The following FRMD4A variants were observed in gnomAD, a reference collection of about 807,000 sequenced individuals.
The protein encoded by FRMD4A is FERM domain-containing protein 4A.
FRMD4A carries 29 observed loss-of-function variants against 129.1 expected under a neutral mutation model. The observed-to-expected ratio is 0.22, with a 90% CI of 0.17 to 0.31. FRMD4A has a LOEUF of 0.31. Among genes scored for constraint, FRMD4A ranks in the 10% least tolerant of loss-of-function variants. The probability of loss-of-function intolerance (pLI) is 1.00; values close to 1 mark genes in which losing one functional copy is unlikely to be tolerated. For missense variants in FRMD4A, 1,272 were observed against 1,375.8 expected (o/e 0.92, Z 1.19); for synonymous variants, 634 against 571.6 (o/e 1.11, Z -1.56).
At chr10:13,773,924 A>G (rs1447869357) in intron 6 of FRMD4A, among the ~76,000 whole-genome samples, 1 of 152,200 alleles carries the variant, frequency 6.6e-6, no homozygotes, top group African/African-American at 2.4e-5. Flanking sequence ...GCTTGGCGGG[A>G]AAGCTGTGCC....
At chr10:14,041,581 G>A (rs1833780312) in intron 2 of FRMD4A, among the ~76,000 whole-genome samples, 4 of 152,156 alleles carry the variant, frequency 2.6e-5, no homozygotes, top group Admixed American at 2.0e-4. Flanking sequence ...GAGTCCATAT[G>A]AGCCCCAAAA....
intron 12 of FRMD4A, among the ~76,000 whole-genome samples, chr10:13,708,565 T>C (rs2087706981): frequency 6.6e-6 from 1 of 152,220 alleles, no homozygotes; most frequent in Non-Finnish European, 1.5e-5. Flanking sequence ...CCCAAGGAAA[T>C]TGTATTTTTC....
intron 2 of FRMD4A, among the ~76,000 whole-genome samples, chr10:14,184,135 T>C (rs1384236658): frequency 5.9e-5 from 8 of 136,344 alleles, no homozygotes; most frequent in East Asian, 4.2e-4. Flanking sequence ...CTTTTTTTTT[T>C]TTTTTTTTTT....
chr10:14,235,830 T>G (rs1229066584), intron 2 of FRMD4A, among the ~76,000 whole-genome samples: 1 of 151,994 alleles, frequency 6.6e-6, no homozygotes, highest in Non-Finnish European at 1.5e-5. Context: ...CCTGCCATGA[T>G]TTTCTAAGTG....
At chr10:14,187,091 TTTGGGTG>T (rs1842169000) in intron 2 of FRMD4A, among the ~76,000 whole-genome samples, 2 of 150,078 alleles carry the variant, frequency 1.3e-5, no homozygotes, top group Non-Finnish European at 3.0e-5. Context: ...TGTACTCTCG[TTTGGGTG>T]ACAGAGCAAG....
rs775430892 is a variant in FRMD4A at position 13,657,134 on chromosome 10, C to G, written c.2455G>C (p.Gly819Arg). 16 of 1,393,746 alleles carry G rather than the reference C, an allele frequency of 1.1e-5. No homozygotes were observed. The highest frequency in any genetic ancestry group is 2.9e-5 in the East Asian group (1 of 34,748). 86.3% of individuals were successfully genotyped at this position (1,393,746 alleles called of 1,614,324 possible). A position where few individuals can be genotyped will look rare whatever the true frequency, so the allele number is the denominator to read the frequency against. Residue 819 changes from glycine to arginine, a missense_variant, in exon 22 of 25, where the codon GGT becomes CGT. Transcript: ENST00000357447. ...TGGCTCTGGCTGTGCAGGTACACACCGCCCCCCGCGCCCCCCGCGCCCCCC... is the reference window on the plus strand; with the variant it reads ...TGGCTCTGGCTGTGCAGGTACACACGGCCCCCCGCGCCCCCCGCGCCCCCC... The part of the protein sequence containing the change: ...GAGGAGGAGG[G>R]VYLHSQSQPS...
chr10:14,153,991 C>T (rs1265505428), intron 2 of FRMD4A, among the ~76,000 whole-genome samples: 3 of 151,186 alleles, frequency 2.0e-5, no homozygotes, highest in African/African-American at 4.8e-5. Flanking sequence ...GACGGGGTCG[C>T]GGCTTCCTGC....
intron 2 of FRMD4A, among the ~76,000 whole-genome samples, chr10:14,164,228 A>G (rs1841051195): frequency 6.6e-6 from 1 of 152,222 alleles, no homozygotes; most frequent in South Asian, 2.1e-4. Flanking sequence ...TATTTGCCCA[A>G]GCCTCATCTT....
intron 2 of FRMD4A, chr10:14,087,380 A>T (rs565299918): frequency 2.0e-5 from 3 of 148,732 alleles, no homozygotes; most frequent in Admixed American, 6.7e-5. Flanking sequence ...ATTATAAAAT[A>T]TATATTAATT....
intron 2 of FRMD4A, among the ~76,000 whole-genome samples, chr10:14,194,590 G>C (rs1338344449): frequency 6.6e-6 from 1 of 152,054 alleles, no homozygotes; most frequent in Non-Finnish European, 1.5e-5. Flanking sequence ...TCGCCTGGGC[G>C]ACACAGCGAG....
At chr10:13,688,453 G>A (rs893746295) in intron 15 of FRMD4A, among the ~76,000 whole-genome samples, 6 of 152,052 alleles carry the variant, frequency 3.9e-5, no homozygotes, top group African/African-American at 1.2e-4. Flanking sequence ...TAAATGACGA[G>A]TTAATCGGTG....
chr10:14,151,598 A>G (rs1043332205), intron 2 of FRMD4A, among the ~76,000 whole-genome samples: 6 of 152,138 alleles, frequency 3.9e-5, no homozygotes, highest in Non-Finnish European at 7.4e-5. Flanking sequence ...CCCTTTACAC[A>G]TGTAATACCC....
chr10:13,923,322 C>T (rs1342863291), intron 2 of FRMD4A, among the ~76,000 whole-genome samples: 6 of 152,142 alleles, frequency 3.9e-5, no homozygotes, highest in Admixed American at 6.5e-5. Flanking sequence ...AACCCATGAC[C>T]GTTATGATGT....
intron 2 of FRMD4A, among the ~76,000 whole-genome samples, chr10:14,242,823 T>G (rs562240912): frequency 1.6e-4 from 24 of 152,312 alleles, no homozygotes; most frequent in Non-Finnish European, 2.9e-4. Flanking sequence ...GAAAGGAGTA[T>G]GAAAGCTCCT....
chr10:13,995,728 G>A (rs2095620160), intron 2 of FRMD4A, among the ~76,000 whole-genome samples: 1 of 152,320 alleles, frequency 6.6e-6, no homozygotes, highest in East Asian at 1.9e-4. Flanking sequence ...TTGGTCTTCA[G>A]GAAGCCAAGT....
In FRMD4A at chr10:13,930,334, C is replaced by T. The variant is rs118128584; in HGVS notation, c.46-71422G>A. On this transcript the variant is annotated intron_variant, in intron 2 of 24. Coordinates refer to ENST00000357447, the MANE Select transcript of FRMD4A (RefSeq NM_018027.5). ...GCTCAGAATGGTAATAAAGAGGTGA[C>T]GAGTGACAAGAGAGGGCTCCTGCTA... Among the ~76,000 whole-genome samples, 984 of 152,210 alleles carry T rather than the reference C, an allele frequency of 6.5e-3. 5 individuals are homozygous for T. Among genetic ancestry groups the T allele is most frequent in the Non-Finnish European group, 0.011 (739 of 68,016 alleles).
intron 2 of FRMD4A, among the ~76,000 whole-genome samples, chr10:13,969,735 AT>A (rs2095506552): frequency 7.1e-6 from 1 of 140,924 alleles, no homozygotes; most frequent in East Asian, 3.1e-4. Context: ...GGTCCCAGCT[AT>A]TTGGGAGGCT....
intron 8 of FRMD4A, among the ~76,000 whole-genome samples, chr10:13,748,565 G>A (rs1237943422): frequency 1.3e-5 from 2 of 152,032 alleles, no homozygotes; most frequent in Admixed American, 6.6e-5. Context: ...GTTGGATTTC[G>A]GATTTTCAGA....
chr10:13,804,303 C>A (rs911113188), intron 4 of FRMD4A, among the ~76,000 whole-genome samples: 1 of 152,164 alleles, frequency 6.6e-6, no homozygotes, highest in Non-Finnish European at 1.5e-5. Flanking sequence ...GTTTCTTCTG[C>A]CACTGGAAAA....
Sources: gnomAD v4.1 joint callset for allele counts (sites outside exome capture counted in the v4.1 genomes callset) on GRCh38, gnomAD v4.1.1 for gene constraint, MANE v1.5 for transcripts, NCBI Gene and HGNC (gene_info 2026-07-23, HGNC 2026-07-21) for gene names.